SOX6: variants seen among roughly 807,000 people sequenced by gnomAD.
The protein encoded by SOX6 is SRY-box transcription factor 6, also known as transcription factor SOX-6.
A neutral mutation model predicts 97.8 loss-of-function variants in SOX6; 11 were observed. That is an observed-to-expected ratio of 0.11 (90% CI 0.07 to 0.19). The LOEUF is 0.19. SOX6 is among the 10% of genes least tolerant of loss of function. The probability of loss-of-function intolerance (pLI) is 1.00; values close to 1 mark genes in which losing one functional copy is unlikely to be tolerated. For synonymous variants in SOX6, 360 were observed against 371.4 expected (o/e 0.97, Z 0.35); for missense variants, 810 against 1,039.5 (o/e 0.78, Z 3.04).
intron 3 of SOX6, among the ~76,000 whole-genome samples, chr11:16,301,338 C>T (rs758511983): frequency 2.6e-5 from 4 of 152,120 alleles, no homozygotes; most frequent in Admixed American, 6.6e-5. Context: ...AGTCAGAAGT[C>T]GATTTAATGC....
chr11:16,561,184 A>G (rs1054873614), intron 4 of SOX6, among the ~76,000 whole-genome samples: 1 of 152,094 alleles, frequency 6.6e-6, no homozygotes, highest in African/African-American at 2.4e-5. Context: ...AGGGAATAAG[A>G]CAGGAAGGGA....
intron 6 of SOX6, among the ~76,000 whole-genome samples, chr11:16,137,681 G>A (rs534819837): frequency 1.3e-5 from 2 of 152,278 alleles, no homozygotes; most frequent in South Asian, 4.2e-4. Context: ...CTGACAAAAT[G>A]TCTGATATGG....
chr11:16,111,084 T>C (rs1849217488), intron 7 of SOX6, among the ~76,000 whole-genome samples: 1 of 152,198 alleles, frequency 6.6e-6, no homozygotes, highest in African/African-American at 2.4e-5. Context: ...TCTTCTTACA[T>C]TGGATTCCTT....
intron 3 of SOX6, among the ~76,000 whole-genome samples, chr11:16,244,306 T>C (rs1285802619): frequency 4.0e-5 from 6 of 151,896 alleles, no homozygotes; most frequent in African/African-American, 1.4e-4. Flanking sequence ...ACCATTCATA[T>C]ATATTTTGCC....
intron 4 of SOX6, among the ~76,000 whole-genome samples, chr11:16,583,640 C>CATATATATATATATAT (rs1342015213): frequency 9.7e-5 from 9 of 92,800 alleles, no homozygotes; most frequent in Non-Finnish European, 2.0e-4. Context: ...TATATATACA[C>CATATATATATATATAT]ATACACACAC....
intron 4 of SOX6, among the ~76,000 whole-genome samples, chr11:16,522,175 T>C (rs1429659730): frequency 6.6e-6 from 1 of 151,930 alleles, no homozygotes; most frequent in Non-Finnish European, 1.5e-5. Flanking sequence ...AGACACATAA[T>C]TGTCAGATTC....
At chr11:16,550,201 C>G (rs542072246) in intron 4 of SOX6, among the ~76,000 whole-genome samples, 1 of 152,180 alleles carries the variant, frequency 6.6e-6, no homozygotes, top group South Asian at 2.1e-4. Context: ...TCATTCTGAG[C>G]AAACTATCAC....
chr11:15,993,726 A>G (rs1026194958), intron 13 of SOX6, among the ~76,000 whole-genome samples: 4 of 152,236 alleles, frequency 2.6e-5, no homozygotes, highest in Non-Finnish European at 4.4e-5. Flanking sequence ...AAAGATAGTT[A>G]ATCTGCAGAG....
intron 3 of SOX6, among the ~76,000 whole-genome samples, chr11:16,257,637 T>G (rs1467980915): frequency 6.6e-6 from 1 of 151,876 alleles, no homozygotes; most frequent in Non-Finnish European, 1.5e-5. Flanking sequence ...TTAGATGATC[T>G]TAGGTATAGC....
chr11:16,009,583 C>A (rs1443186236), intron 13 of SOX6, among the ~76,000 whole-genome samples: 1 of 152,008 alleles, frequency 6.6e-6, no homozygotes, highest in Non-Finnish European at 1.5e-5. Flanking sequence ...TTAGGACGAG[C>A]CTCTCAAGAA....
chr11:16,586,999 G>A (rs1340999471), intron 4 of SOX6, among the ~76,000 whole-genome samples: 1 of 152,164 alleles, frequency 6.6e-6, no homozygotes, highest in Non-Finnish European at 1.5e-5. Flanking sequence ...GGGTTATGAT[G>A]TACAAGACTT....
At chr11:16,122,118 A>T (rs1849509154) in intron 6 of SOX6, among the ~76,000 whole-genome samples, 1 of 152,000 alleles carries the variant, frequency 6.6e-6, no homozygotes, top group Admixed American at 6.6e-5. Flanking sequence ...AGAACAGCAA[A>T]TCTCAATTTT....
At chr11:16,010,438 T>C (rs1854684372) in intron 13 of SOX6, among the ~76,000 whole-genome samples, 1 of 152,008 alleles carries the variant, frequency 6.6e-6, no homozygotes, top group African/African-American at 2.4e-5. Flanking sequence ...AGGCTTATCT[T>C]TCACTATGCC....
intron 4 of SOX6, among the ~76,000 whole-genome samples, chr11:16,602,848 C>G (rs1017834992): frequency 1.3e-5 from 2 of 152,070 alleles, no homozygotes; most frequent in African/African-American, 4.8e-5. Context: ...ATGGTGAAAC[C>G]TCATCTCCAC....
intron 4 of SOX6, among the ~76,000 whole-genome samples, chr11:16,491,077 T>G (rs1860504219): frequency 6.6e-6 from 1 of 152,048 alleles, no homozygotes; most frequent in Non-Finnish European, 1.5e-5. Flanking sequence ...TATAAAAATT[T>G]AAAAGAAGAA....
chr11:16,084,177 A>C (rs957677297), intron 9 of SOX6, among the ~76,000 whole-genome samples: 1 of 152,078 alleles, frequency 6.6e-6, no homozygotes, highest in Admixed American at 6.6e-5. Context: ...ATACACAATC[A>C]CCTTGGGCAA....
chr11:16,395,094 T>C (rs1032583133), intron 1 of SOX6, among the ~76,000 whole-genome samples: 4 of 151,808 alleles, frequency 2.6e-5, no homozygotes, highest in African/African-American at 9.7e-5. Context: ...TTTCTGTCAA[T>C]CTCCCTTTTT....
rs1857889499 is a variant in SOX6 at position 16,383,514 on chromosome 11, C to A, written c.-4-42262G>T. On this transcript the variant is annotated intron_variant, in intron 1 of 15. Transcript: ENST00000396356. The stretch of plus-strand genomic sequence containing the variant: ...GGCAAGTTGCTCAACTTCTCTGAGT[C>A]CAGGTATCTTTATCTGTACAATAGT... 2.0e-5 allele frequency among the ~76,000 whole-genome samples: 3 copies of A among 151,808 alleles called. No homozygotes were observed. In the South Asian group the frequency reaches 6.2e-4, roughly 31 times the overall value.
intron 3 of SOX6, among the ~76,000 whole-genome samples, chr11:16,310,539 G>A (rs1433981647): frequency 1.3e-5 from 2 of 151,940 alleles, no homozygotes; most frequent in Non-Finnish European, 2.9e-5. Flanking sequence ...AAATATTATT[G>A]GGAGGAAAGA....
Sources: allele counts gnomAD v4.1 joint callset (sites outside exome capture counted in the v4.1 genomes callset), GRCh38; gene constraint gnomAD v4.1.1; transcripts MANE v1.5; gene names NCBI Gene and HGNC (gene_info 2026-07-23, HGNC 2026-07-21).